MALRD1: variants seen among roughly 807,000 people sequenced by gnomAD.
MALRD1 encodes MAM and LDL receptor class A domain containing 1, also known as MAM and LDL-receptor class A domain-containing protein 1.
MALRD1 carries 247 observed loss-of-function variants against 242.1 expected under a neutral mutation model. That is an observed-to-expected ratio of 1.02 (90% CI 0.92 to 1.13). The LOEUF is 1.13. Among genes scored for constraint, MALRD1 ranks in the 50% most tolerant of loss-of-function variants. The pLI is 0.00. For missense variants in MALRD1, 2,989 were observed against 2,533.1 expected (o/e 1.18, Z -3.86); for synonymous variants, 995 against 866.6 (o/e 1.15, Z -2.60).
intron 32 of MALRD1, among the ~76,000 whole-genome samples, chr10:19,551,918 C>A (rs764925688): frequency 6.6e-6 from 1 of 152,112 alleles, no homozygotes; most frequent in Non-Finnish European, 1.5e-5. Context: ...GTTGAACGAA[C>A]CTTGCATCCT....
intron 36 of MALRD1, among the ~76,000 whole-genome samples, chr10:19,684,066 T>C (rs1218645904): frequency 1.3e-5 from 2 of 152,226 alleles, no homozygotes; most frequent in Non-Finnish European, 2.9e-5. Context: ...GTTAGTTTGC[T>C]GAGGATGATG....
At chr10:19,269,177 T>C (rs1327439179) in intron 19 of MALRD1, among the ~76,000 whole-genome samples, 2 of 152,224 alleles carry the variant, frequency 1.3e-5, no homozygotes, top group Non-Finnish European at 2.9e-5. Flanking sequence ...AAGTTGAATA[T>C]TTTCCCCACT....
chr10:19,427,365 A>G (rs558453883), intron 28 of MALRD1, among the ~76,000 whole-genome samples: 43 of 152,336 alleles, frequency 2.8e-4, no homozygotes, highest in Non-Finnish European at 5.3e-4. Flanking sequence ...AGGCTAAACC[A>G]AATCAAAATT....
chr10:19,197,735 T>C (rs557076284), intron 14 of MALRD1, among the ~76,000 whole-genome samples: 1 of 152,334 alleles, frequency 6.6e-6, no homozygotes, highest in East Asian at 1.9e-4. Context: ...ATTTTCAATA[T>C]TCTTCCTTAT....
intron 28 of MALRD1, among the ~76,000 whole-genome samples, chr10:19,431,996 T>G (rs1312878066): frequency 2.0e-5 from 3 of 151,986 alleles, no homozygotes; most frequent in Non-Finnish European, 2.9e-5. Flanking sequence ...CCATATGAAT[T>G]TTTTTTTCTC....
chr10:19,666,856 A>G (rs1026901783), intron 36 of MALRD1, among the ~76,000 whole-genome samples: 6 of 152,220 alleles, frequency 3.9e-5, no homozygotes, highest in Non-Finnish European at 8.8e-5. Flanking sequence ...TGAACAAAAA[A>G]AGTTAATAAC....
chr10:19,544,579 T>C (rs535711588), intron 32 of MALRD1, among the ~76,000 whole-genome samples: 9 of 151,816 alleles, frequency 5.9e-5, no homozygotes, highest in Admixed American at 2.0e-4. Context: ...TTTTTTTTTT[T>C]CTAAAGTGGA....
intron 2 of MALRD1, among the ~76,000 whole-genome samples, chr10:19,075,418 G>A (rs1835287161): frequency 6.6e-6 from 1 of 152,068 alleles, no homozygotes; most frequent in Admixed American, 6.6e-5. Flanking sequence ...GTGGAAGGCA[G>A]GAGAGCTAAG....
chr10:19,507,749 G>A lies in MALRD1; in HGVS notation c.5320+9103G>A, dbSNP rs73595824. Reference sequence around the variant, plus strand: ...AAAATTAAATCCTGAGAGTATTAAAGTGAAACATTTGGGATTTCTGTGATG... The same window carrying A: ...AAAATTAAATCCTGAGAGTATTAAAATGAAACATTTGGGATTTCTGTGATG... On this transcript the variant is annotated intron_variant, in intron 31 of 39. Transcript: ENST00000454679. 5.2e-3 allele frequency among the ~76,000 whole-genome samples: 787 copies of A among 152,296 alleles called. 4 individuals carry two copies. The highest frequency in any genetic ancestry group is 0.018 in the African/African-American group (744 of 41,562).
At chr10:19,334,917 G>A (rs1313290459) in intron 24 of MALRD1, among the ~76,000 whole-genome samples, 1 of 151,966 alleles carries the variant, frequency 6.6e-6, no homozygotes, top group African/African-American at 2.4e-5. Context: ...TAATTTTTCA[G>A]AATTCAAGGT....
chr10:19,191,273 A>C (rs1315826361), intron 14 of MALRD1, among the ~76,000 whole-genome samples: 5 of 152,212 alleles, frequency 3.3e-5, no homozygotes, highest in Non-Finnish European at 7.4e-5. Context: ...ACCACCTTGC[A>C]TCCATTAGAT....
At chr10:19,327,417 C>A in intron 22 of MALRD1, 146 bp from the exon 23 acceptor site, 2 of 583,704 alleles carry the variant, frequency 3.4e-6, no homozygotes, top group South Asian at 4.7e-5. Flanking sequence ...ACAAAGATAT[C>A]TAATAAAAAA....
In MALRD1 at chr10:19,347,857, G is replaced by C. The variant is rs1436491961; in HGVS notation, c.3988G>C (p.Ala1330Pro). The change falls in exon 25 of 40, where the codon GCT (alanine) becomes CCT (proline). Residue 1330 changes from alanine (A) to proline (P), a missense_variant. Ala to Pro is a conservative substitution (Grantham distance 27, BLOSUM62 -1). Coordinates refer to ENST00000454679, the MANE Select transcript of MALRD1 (RefSeq NM_001142308.3). ...KDEDFDWNLKASSIPAAGTEP... is the reference protein window; with the variant it reads ...KDEDFDWNLKPSSIPAAGTEP... ...TGAGGACTTTGACTGGAACCTGAAA[G>C]CTAGCAGCATCCCTGCAGCAGGCAC... The C allele has an allele frequency of 6.5e-7, 1 of 1,550,272 alleles. No homozygotes were observed. The highest frequency in any genetic ancestry group is 8.7e-7 in the Non-Finnish European group (1 of 1,146,852).
chr10:19,680,975 G>C (rs75371728), intron 36 of MALRD1, among the ~76,000 whole-genome samples: 2,504 of 152,228 alleles, frequency 0.016, 31 homozygotes, highest in Admixed American at 0.026. Context: ...TTGGCCTCCC[G>C]ATATCTTTTG....
intron 36 of MALRD1, among the ~76,000 whole-genome samples, chr10:19,669,866 G>C (rs758474616): frequency 6.6e-5 from 10 of 151,958 alleles, no homozygotes; most frequent in Non-Finnish European, 1.3e-4. Context: ...ATATAATACA[G>C]AAAAATTTTT....
chr10:19,221,756 A>G (rs77631497), intron 18 of MALRD1, among the ~76,000 whole-genome samples: 1 of 152,168 alleles, frequency 6.6e-6, no homozygotes, highest in East Asian at 1.9e-4. Flanking sequence ...CCAAAATTAC[A>G]GTAGAATATT....
At chr10:19,177,885 G>A (rs2131549631) in intron 14 of MALRD1, among the ~76,000 whole-genome samples, 1 of 152,208 alleles carries the variant, frequency 6.6e-6, no homozygotes, top group Non-Finnish European at 1.5e-5. Flanking sequence ...CCTCTAGAAT[G>A]AGGATCTTGT....
intron 23 of MALRD1, among the ~76,000 whole-genome samples, chr10:19,329,597 A>G (rs1843278775): frequency 6.6e-6 from 1 of 152,206 alleles, no homozygotes; most frequent in African/African-American, 2.4e-5. Context: ...ATTAGAATAC[A>G]GAAATACCCA....
At chr10:19,095,268 T>C (rs1243415838) in intron 4 of MALRD1, among the ~76,000 whole-genome samples, 2 of 152,190 alleles carry the variant, frequency 1.3e-5, no homozygotes, top group Non-Finnish European at 2.9e-5. Context: ...AGTTTCTTAA[T>C]TGATTGGTTG....
Sources: allele counts gnomAD v4.1 joint callset (sites outside exome capture counted in the v4.1 genomes callset), GRCh38; gene constraint gnomAD v4.1.1; transcripts MANE v1.5; gene names NCBI Gene and HGNC (gene_info 2026-07-23, HGNC 2026-07-21).